The following CBLB variants were observed in gnomAD, a reference collection of about 807,000 sequenced individuals.
CBLB encodes the protein Cbl proto-oncogene B.
In CBLB, 31 loss-of-function variants were observed where a neutral mutation model predicts 104.9. The ratio of observed to expected loss-of-function variants is 0.30; its 90% CI spans 0.22 to 0.40. CBLB has a LOEUF of 0.40. CBLB is among the 10% of genes least tolerant of loss of function. The pLI, the probability that CBLB is intolerant of heterozygous loss-of-function variation, is 1.00. For missense variants in CBLB, 1,062 were observed against 1,214.6 expected (o/e 0.87, Z 1.87); for synonymous variants, 440 against 422.6 (o/e 1.04, Z -0.51).
intron 14 of CBLB, among the ~76,000 whole-genome samples, chr3:105,684,032 G>A (rs1576317743): frequency 1.3e-5 from 2 of 152,250 alleles, no homozygotes; most frequent in South Asian, 4.1e-4. Context: ...ACATTTTTTA[G>A]TTTTTCATTG....
chr3:105,764,235 T>C (rs531847577), intron 4 of CBLB, among the ~76,000 whole-genome samples: 39 of 151,450 alleles, frequency 2.6e-4, no homozygotes, highest in Admixed American at 1.3e-3. Context: ...TGGTTCCAAA[T>C]AGCTTTCAGA....
At chr3:105,794,790 A>T (rs573292707) in intron 3 of CBLB, among the ~76,000 whole-genome samples, 1 of 152,338 alleles carries the variant, frequency 6.6e-6, no homozygotes, top group Admixed American at 6.5e-5. Context: ...AAATATATAC[A>T]TACATTCTAC....
intron 8 of CBLB, 29 bp from the exon 9 acceptor site, chr3:105,734,169 A>T (rs779989796): frequency 1.2e-6 from 2 of 1,610,398 alleles, no homozygotes; most frequent in African/African-American, 1.3e-5. Context: ...GGAGAAAGTA[A>T]TGTTAATGTA....
chr3:105,811,590 A>G (rs549859823), intron 3 of CBLB, among the ~76,000 whole-genome samples: 130 of 152,358 alleles, frequency 8.5e-4, no homozygotes, highest in African/African-American at 3.0e-3. Context: ...AGACGTTAAC[A>G]CTGAGGCAAA....
chr3:105,868,383 C>G (rs1193501886), intron 1 of CBLB: 1 of 429,490 alleles, frequency 2.3e-6, no homozygotes, highest in Admixed American at 4.4e-5. Flanking sequence ...CCCGGCCCCT[C>G]GGGTCTGAGC....
At chr3:105,835,104 G>GA (rs1270703732) in intron 3 of CBLB, among the ~76,000 whole-genome samples, 1 of 152,118 alleles carries the variant, frequency 6.6e-6, no homozygotes, top group Admixed American at 6.5e-5. Context: ...CTGCAAAAAG[G>GA]AATTGCTTTT....
Position 105,844,240 on chromosome 3 carries a change from C to A in CBLB, c.419+9174G>T, listed in dbSNP as rs962684775. 2.7e-4 allele frequency among the ~76,000 whole-genome samples: 41 copies of A among 152,116 alleles called. 1 individual carries two copies. Among genetic ancestry groups the A allele is most frequent in the Admixed American group, 2.2e-3 (33 of 15,264 alleles). On this transcript the variant is annotated intron_variant, in intron 3 of 18. Transcript: ENST00000394030. ...GGGGCAAGGCCCTGCTGGCTGACAC[C>A]CTGATTTCAGATTTCTTGCCTCCAG...
chr3:105,721,484 T>C (rs2072814067), intron 9 of CBLB, among the ~76,000 whole-genome samples: 1 of 152,108 alleles, frequency 6.6e-6, no homozygotes, highest in Admixed American at 6.6e-5. Context: ...CCAAACAAAG[T>C]GTCAAAAAAC....
chr3:105,666,543 G>A (rs918043049), intron 18 of CBLB, among the ~76,000 whole-genome samples: 5 of 151,914 alleles, frequency 3.3e-5, no homozygotes, highest in East Asian at 1.9e-4. Context: ...AAAATTAGCC[G>A]GGCATGATGG....
intron 6 of CBLB, 94 bp downstream of exon 6, chr3:105,745,823 C>T (rs977453912): frequency 3.7e-5 from 42 of 1,124,822 alleles, no homozygotes; most frequent in Middle Eastern, 2.0e-4. Context: ...CCAAGCATGC[C>T]ATCAGCGGGT....
chr3:105,776,745 T>G (rs2079527427), intron 3 of CBLB, among the ~76,000 whole-genome samples: 1 of 152,088 alleles, frequency 6.6e-6, no homozygotes, highest in African/African-American at 2.4e-5. Context: ...AACAAAGCTG[T>G]CAACTTATTA....
At chr3:105,702,495 A>AAAC in intron 11 of CBLB, 36 bp from the exon 12 acceptor site, 5 of 1,475,864 alleles carry the variant, frequency 3.4e-6, no homozygotes, top group South Asian at 1.3e-5. Context: ...AAAAAAAAAA[A>AAAC]AAAACTAAAG....
chr3:105,734,623 C>A (rs1055511773), intron 8 of CBLB, among the ~76,000 whole-genome samples: 1 of 152,116 alleles, frequency 6.6e-6, no homozygotes, highest in Non-Finnish European at 1.5e-5. Flanking sequence ...AAACATTTAC[C>A]AAGCACTTCC....
intron 3 of CBLB, among the ~76,000 whole-genome samples, chr3:105,829,172 C>G (rs1312252867): frequency 1.3e-5 from 2 of 151,808 alleles, no homozygotes; most frequent in African/African-American, 2.4e-5. Context: ...TTAAAAATGC[C>G]CAGTTCATAT....
chr3:105,678,641 G>C lies in CBLB; in HGVS notation c.2429-70C>G. On this transcript the variant is annotated intron_variant, in intron 16 of 18. Transcript: ENST00000394030. ...TCAAAATACACAGCATCTAACAAAA[G>C]TAATAATTGATTTTCTCTTGCTGCT... is the stretch of plus-strand genomic sequence containing the variant. 2.7e-6 allele frequency: 4 copies of C among 1,472,032 alleles called. No homozygotes were observed. In the South Asian group the frequency reaches 4.8e-5, roughly 18 times the overall value. The allele number at this position is 1,472,032 out of a possible 1,614,324, so 91.2% of individuals were successfully genotyped here. A position where few individuals can be genotyped will look rare whatever the true frequency, so the allele number is the denominator to read the frequency against.
chr3:105,689,074 A>G (rs2067352632), intron 13 of CBLB, among the ~76,000 whole-genome samples: 1 of 151,998 alleles, frequency 6.6e-6, no homozygotes, highest in Non-Finnish European at 1.5e-5. Context: ...CTCTATCATT[A>G]TTTATCCTCT....
At chr3:105,679,772 CA>C (rs35237641) in intron 16 of CBLB, among the ~76,000 whole-genome samples, 143,216 of 145,336 alleles carry the variant, frequency 0.99, 70,574 homozygotes, top group East Asian at 1. Context: ...AAGACTGTCT[CA>C]AAAAAAAAAA....
chr3:105,815,713 T>C (rs927130564), intron 3 of CBLB, among the ~76,000 whole-genome samples: 1 of 152,098 alleles, frequency 6.6e-6, no homozygotes, highest in East Asian at 1.9e-4. Context: ...ACCCAAAGGA[T>C]TATAAATCAT....
chr3:105,676,132 C>T (rs1190251810), intron 17 of CBLB, among the ~76,000 whole-genome samples: 2 of 151,722 alleles, frequency 1.3e-5, no homozygotes, highest in Non-Finnish European at 2.9e-5. Context: ...TAGCCTGACA[C>T]TCTAAGTTAA....
Sources: gnomAD v4.1 joint callset for allele counts (sites outside exome capture counted in the v4.1 genomes callset) on GRCh38, gnomAD v4.1.1 for gene constraint, MANE v1.5 for transcripts, NCBI Gene and HGNC (gene_info 2026-07-23, HGNC 2026-07-21) for gene names.